SYT9: variants seen among roughly 807,000 people sequenced by gnomAD.
SYT9 encodes the protein synaptotagmin 9.
SYT9 carries 22 observed loss-of-function variants against 48.4 expected under a neutral mutation model. The ratio of observed to expected loss-of-function variants is 0.45; its 90% CI spans 0.32 to 0.65. The LOEUF is 0.65. Ranked by LOEUF, SYT9 falls within the 30% of genes least tolerant of loss-of-function variation. The probability of loss-of-function intolerance (pLI) is 0.03; values close to 1 mark genes in which losing one functional copy is unlikely to be tolerated. For synonymous variants in SYT9, 265 were observed against 245.0 expected (o/e 1.08, Z -0.76); for missense variants, 577 against 622.0 (o/e 0.93, Z 0.77).
chr11:7,432,983 A>C (rs72846817), intron 6 of SYT9, among the ~76,000 whole-genome samples: 3,069 of 152,172 alleles, frequency 0.02, 51 homozygotes, highest in Middle Eastern at 0.075. Context: ...TCCCTGCCCA[A>C]ATCTCATGTT....
At chr11:7,258,363 G>C (rs1395209086) in intron 1 of SYT9, among the ~76,000 whole-genome samples, 1 of 152,126 alleles carries the variant, frequency 6.6e-6, no homozygotes, top group Admixed American at 6.5e-5. Context: ...AGTTTTCACT[G>C]CAATCTTGGA....
intron 3 of SYT9, among the ~76,000 whole-genome samples, chr11:7,342,511 A>G (rs923409267): frequency 6.6e-6 from 1 of 152,214 alleles, no homozygotes; most frequent in African/African-American, 2.4e-5. Context: ...TCCATGTCTC[A>G]TATCCAGGTC....
intron 6 of SYT9, among the ~76,000 whole-genome samples, chr11:7,436,226 A>G (rs1448933025): frequency 6.6e-6 from 1 of 152,192 alleles, no homozygotes; most frequent in Non-Finnish European, 1.5e-5. Context: ...TGAGCAGGAC[A>G]TGCTTGCTAT....
intron 3 of SYT9, among the ~76,000 whole-genome samples, chr11:7,324,914 ATG>A (rs949336332): frequency 3.3e-5 from 5 of 152,086 alleles, no homozygotes; most frequent in African/African-American, 1.2e-4. Context: ...TATTGATAAA[ATG>A]TGTTTTTCAT....
intron 1 of SYT9, among the ~76,000 whole-genome samples, chr11:7,244,447 T>C (rs906820068): frequency 1.3e-5 from 2 of 152,216 alleles, no homozygotes; most frequent in Non-Finnish European, 1.5e-5. Context: ...AGCTCACAGA[T>C]TAAAGGCTAT....
chr11:7,386,139 A>G (rs979193735), intron 3 of SYT9, among the ~76,000 whole-genome samples: 1 of 152,044 alleles, frequency 6.6e-6, no homozygotes, highest in African/African-American at 2.4e-5. Context: ...GGTTTTTTCT[A>G]TTTTTATTTG....
intron 3 of SYT9, among the ~76,000 whole-genome samples, chr11:7,411,688 C>G (rs1847139283): frequency 6.6e-6 from 1 of 152,154 alleles, no homozygotes; most frequent in African/African-American, 2.4e-5. Context: ...CTATAATACG[C>G]TGCAGAGAAG....
At chr11:7,274,112 C>T (rs184642840) in intron 1 of SYT9, among the ~76,000 whole-genome samples, 1 of 152,228 alleles carries the variant, frequency 6.6e-6, no homozygotes, top group East Asian at 1.9e-4. Flanking sequence ...GGCTTGTATG[C>T]TGTTTGAGAT....
At chr11:7,286,335 T>G (rs1479552089) in intron 1 of SYT9, among the ~76,000 whole-genome samples, 3 of 152,240 alleles carry the variant, frequency 2.0e-5, no homozygotes, top group African/African-American at 7.2e-5. Flanking sequence ...GAGCTATACC[T>G]TGGCCTCTTT....
At chr11:7,318,717 T>C (rs1849284401) in intron 3 of SYT9, among the ~76,000 whole-genome samples, 1 of 152,352 alleles carries the variant, frequency 6.6e-6, no homozygotes, top group East Asian at 1.9e-4. Context: ...TCGTATGCTA[T>C]AATCCAGTGA....
chr11:7,289,609 T>A (rs1589917444), intron 1 of SYT9, among the ~76,000 whole-genome samples: 2 of 152,376 alleles, frequency 1.3e-5, no homozygotes, highest in Middle Eastern at 3.4e-3. Context: ...CTCGGTCCAC[T>A]GCCTGTTATG....
intron 1 of SYT9, among the ~76,000 whole-genome samples, chr11:7,257,194 A>G (rs963725082): frequency 3.4e-4 from 52 of 152,308 alleles, no homozygotes; most frequent in African/African-American, 1.2e-3. Flanking sequence ...AGCTCAGCTC[A>G]CATTTGTTTC....
At chr11:7,369,822 CAA>C (rs10695029) in intron 3 of SYT9, among the ~76,000 whole-genome samples, 5 of 149,886 alleles carry the variant, frequency 3.3e-5, no homozygotes, top group South Asian at 2.1e-4. Context: ...CACACACACA[CAA>C]AGACATCACA....
intron 3 of SYT9, among the ~76,000 whole-genome samples, chr11:7,319,490 A>G (rs1196352260): frequency 6.6e-6 from 1 of 152,058 alleles, no homozygotes; most frequent in African/African-American, 2.4e-5. Flanking sequence ...TAAAACCGTA[A>G]TTACCACAGA....
intron 1 of SYT9, among the ~76,000 whole-genome samples, chr11:7,288,823 A>G (rs1431345515): frequency 6.6e-6 from 1 of 152,156 alleles, no homozygotes; most frequent in Non-Finnish European, 1.5e-5. Flanking sequence ...CCACTCTTTC[A>G]GGTGTGAGAA....
At chr11:7,265,340 G>A (rs1236999913) in intron 1 of SYT9, among the ~76,000 whole-genome samples, 1 of 152,122 alleles carries the variant, frequency 6.6e-6, no homozygotes, top group African/African-American at 2.4e-5. Context: ...AGGGTGAAAA[G>A]CGATTGAATG....
At chr11:7,412,370 T>G (rs1187554432) in intron 3 of SYT9, among the ~76,000 whole-genome samples, 1 of 152,248 alleles carries the variant, frequency 6.6e-6, no homozygotes, top group African/African-American at 2.4e-5. Flanking sequence ...TCTATGATGT[T>G]GGTTGAGTAG....
intron 3 of SYT9, among the ~76,000 whole-genome samples, chr11:7,412,983 G>A (rs1297894625): frequency 6.6e-6 from 1 of 152,206 alleles, no homozygotes; most frequent in East Asian, 1.9e-4. Flanking sequence ...GACAGGACTA[G>A]GTTGGCAGAA....
intron 6 of SYT9, among the ~76,000 whole-genome samples, chr11:7,460,146 A>C (rs1848212543): frequency 6.6e-6 from 1 of 152,244 alleles, no homozygotes; most frequent in South Asian, 2.1e-4. Flanking sequence ...TTCTTATAAT[A>C]GTACATACCA....
Sources: allele counts gnomAD v4.1 joint callset (sites outside exome capture counted in the v4.1 genomes callset), GRCh38; gene constraint gnomAD v4.1.1; transcripts MANE v1.5; gene names NCBI Gene and HGNC (gene_info 2026-07-23, HGNC 2026-07-21).